GRID2: variants seen among roughly 807,000 people sequenced by gnomAD.
The protein encoded by GRID2 is glutamate receptor ionotropic, delta-2.
Under a neutral mutation model 114.8 loss-of-function variants are expected in GRID2, and 33 were observed. That is an observed-to-expected ratio of 0.29 (90% CI 0.22 to 0.38). The LOEUF (loss-of-function observed/expected upper bound fraction) is 0.38. Among genes scored for constraint, GRID2 ranks in the 10% least tolerant of loss-of-function variants. The pLI is 1.00. For synonymous variants in GRID2, 505 were observed against 449.9 expected (o/e 1.12, Z -1.55); for missense variants, 1,184 against 1,257.7 (o/e 0.94, Z 0.89).
chr4:92,435,643 A>G (rs928602330), intron 1 of GRID2, among the ~76,000 whole-genome samples: 5 of 152,218 alleles, frequency 3.3e-5, no homozygotes, highest in African/African-American at 9.6e-5. Flanking sequence ...TATTTTCTAC[A>G]AGAACTTTCC....
Position 93,498,986 on chromosome 4 carries a change from A to G in GRID2, c.1997+8209A>G, listed in dbSNP as rs148914313. On this transcript the variant is annotated intron_variant, in intron 12 of 15. Transcript: ENST00000282020. ...AGTTTTCCATGTGTTTTTCGTCATG[A>G]ATAGGTGTTGGATTTTGACAAATGA... Among the ~76,000 whole-genome samples the G allele has an allele frequency of 6.8e-3, 1,035 of 151,952 alleles. 10 individuals carry two copies. The highest frequency in any genetic ancestry group is 0.024 in the African/African-American group (999 of 41,514).
At chr4:93,324,583 A>T (rs970392066) in intron 8 of GRID2, among the ~76,000 whole-genome samples, 40 of 152,066 alleles carry the variant, frequency 2.6e-4, no homozygotes, top group Non-Finnish European at 5.4e-4. Context: ...CTCTTTTTCT[A>T]TTGATTGGAA....
rs569656107 is a variant in GRID2, at chr4:92,960,131, A to G, written c.245-124864A>G. On this transcript the variant is annotated intron_variant, in intron 2 of 15. Transcript: ENST00000282020. ...ATTTTATTGTGGTCTGAGAACAAACATTGTTTGATTCCTATTCTTTCAAAT... is the reference window on the plus strand; with the variant it reads ...ATTTTATTGTGGTCTGAGAACAAACGTTGTTTGATTCCTATTCTTTCAAAT... Among the ~76,000 whole-genome samples the G allele has an allele frequency of 9.1e-4, 138 of 152,140 alleles. 1 individual carries two copies. Among genetic ancestry groups the G allele is most frequent in the Middle Eastern group, 3.4e-3 (1 of 292 alleles).
chr4:92,629,680 G>T (rs1730693680), intron 2 of GRID2, among the ~76,000 whole-genome samples: 1 of 151,560 alleles, frequency 6.6e-6, no homozygotes, highest in South Asian at 2.1e-4. Context: ...TGGGAAAATG[G>T]GTTCTACACA....
chr4:92,548,891 T>A (rs1726427287), intron 1 of GRID2, among the ~76,000 whole-genome samples: 1 of 151,886 alleles, frequency 6.6e-6, no homozygotes, highest in Non-Finnish European at 1.5e-5. Flanking sequence ...CCACACACTT[T>A]TAAACACCCA....
At chr4:92,923,236 CAG>C (rs1257310858) in intron 2 of GRID2, among the ~76,000 whole-genome samples, 2 of 152,078 alleles carry the variant, frequency 1.3e-5, no homozygotes, top group Non-Finnish European at 2.9e-5. Flanking sequence ...TATATACTAT[CAG>C]TGATGTTTGT....
intron 13 of GRID2, among the ~76,000 whole-genome samples, chr4:93,595,679 C>A (rs1333228421): frequency 6.6e-6 from 1 of 152,098 alleles, no homozygotes; most frequent in East Asian, 1.9e-4. Flanking sequence ...CCTTTTATTG[C>A]CCTAGAAGTT....
At chr4:93,279,888 G>A (rs1373682807) in intron 8 of GRID2, among the ~76,000 whole-genome samples, 1 of 151,948 alleles carries the variant, frequency 6.6e-6, no homozygotes, top group Non-Finnish European at 1.5e-5. Flanking sequence ...GGAAAAATTA[G>A]TTTCCATTTT....
At chr4:93,081,770 A>G (rs1453766099) in intron 2 of GRID2, among the ~76,000 whole-genome samples, 2 of 152,214 alleles carry the variant, frequency 1.3e-5, no homozygotes, top group African/African-American at 4.8e-5. Flanking sequence ...ACACGTTCTG[A>G]TCTTTCAAAT....
intron 8 of GRID2, among the ~76,000 whole-genome samples, chr4:93,326,208 G>A (rs1221305509): frequency 6.6e-6 from 1 of 152,152 alleles, no homozygotes; most frequent in Non-Finnish European, 1.5e-5. Context: ...TGCCGAAGAA[G>A]TGGAAATCAG....
chr4:93,438,826 TC>T (rs1240318473), intron 10 of GRID2, among the ~76,000 whole-genome samples: 2 of 151,056 alleles, frequency 1.3e-5, no homozygotes, highest in East Asian at 2.0e-4. Context: ...ATGCTATCCC[TC>T]CCCCCATCCC....
chr4:92,662,089 A>G (rs773192390), intron 2 of GRID2, among the ~76,000 whole-genome samples: 4 of 151,040 alleles, frequency 2.6e-5, no homozygotes, highest in Non-Finnish European at 5.9e-5. Flanking sequence ...AATCTCAATG[A>G]AGCCCTAAGC....
At chr4:93,540,548 G>T (rs2149526760) in intron 13 of GRID2, among the ~76,000 whole-genome samples, 2 of 152,240 alleles carry the variant, frequency 1.3e-5, no homozygotes, top group Middle Eastern at 6.8e-3. Context: ...CCTAAGGCAG[G>T]GTTGAGCTTG....
At chr4:93,344,727 T>G (rs1160287553) in intron 8 of GRID2, among the ~76,000 whole-genome samples, 1 of 151,316 alleles carries the variant, frequency 6.6e-6, no homozygotes, top group African/African-American at 2.4e-5. Context: ...AACTTATTCA[T>G]CCTGCCTAAG....
At chr4:92,361,323 A>G (rs971211136) in intron 1 of GRID2, among the ~76,000 whole-genome samples, 1 of 152,090 alleles carries the variant, frequency 6.6e-6, no homozygotes, top group Non-Finnish European at 1.5e-5. Context: ...GAAATTAAAA[A>G]TAATAGTTCA....
At chr4:92,380,768 A>C (rs1028149152) in intron 1 of GRID2, among the ~76,000 whole-genome samples, 3 of 151,978 alleles carry the variant, frequency 2.0e-5, no homozygotes, top group Non-Finnish European at 4.4e-5. Flanking sequence ...TCAGGGTACA[A>C]TTTTGCTTCT....
At chr4:92,684,340 T>A (rs1236858925) in intron 2 of GRID2, among the ~76,000 whole-genome samples, 1 of 152,022 alleles carries the variant, frequency 6.6e-6, no homozygotes. Flanking sequence ...TTTTTTTTAC[T>A]ATTAGTTAAA....
chr4:93,638,301 C>CTTTTTTTTTTTT (rs1184003180), intron 14 of GRID2, among the ~76,000 whole-genome samples: 10 of 77,316 alleles, frequency 1.3e-4, no homozygotes, highest in African/African-American at 2.0e-4. Flanking sequence ...AAACTTGCAT[C>CTTTTTTTTTTTT]TTTTTTTTTT....
intron 8 of GRID2, among the ~76,000 whole-genome samples, chr4:93,344,486 G>A (rs1759988744): frequency 6.6e-6 from 1 of 151,552 alleles, no homozygotes; most frequent in South Asian, 2.1e-4. Flanking sequence ...AGTATACAAG[G>A]CAATGTTTTG....
Sources: gnomAD v4.1 joint callset for allele counts (sites outside exome capture counted in the v4.1 genomes callset) on GRCh38, gnomAD v4.1.1 for gene constraint, MANE v1.5 for transcripts, NCBI Gene and HGNC (gene_info 2026-07-23, HGNC 2026-07-21) for gene names.